Variants in OLFM3 observed in about 807,000 individuals in gnomAD.
The protein encoded by OLFM3 is noelin-3.
In OLFM3, 20 loss-of-function variants were observed where a neutral mutation model predicts 48.6. The observed-to-expected ratio is 0.41, with a 90% CI of 0.29 to 0.60. The LOEUF is 0.60. Ranked by LOEUF, OLFM3 falls within the 20% of genes least tolerant of loss-of-function variation. The pLI, the probability that OLFM3 is intolerant of heterozygous loss-of-function variation, is 0.28. For missense variants in OLFM3, 437 were observed against 544.3 expected (o/e 0.80, Z 1.96); for synonymous variants, 222 against 198.1 (o/e 1.12, Z -1.01).
chr1:101,952,335 T>C (rs946504208), intron 1 of OLFM3, among the ~76,000 whole-genome samples: 1 of 152,184 alleles, frequency 6.6e-6, no homozygotes, highest in Non-Finnish European at 1.5e-5. Context: ...TACAATTATA[T>C]TTTAAAGCTC....
At chr1:101,930,047 T>C (rs1035579089) in intron 1 of OLFM3, among the ~76,000 whole-genome samples, 4 of 152,142 alleles carry the variant, frequency 2.6e-5, no homozygotes, top group African/African-American at 9.6e-5. Context: ...GACCTTGAAT[T>C]TGCTTTAGAA....
chr1:101,861,140 C>A (rs577814492), intron 1 of OLFM3, among the ~76,000 whole-genome samples: 45 of 152,126 alleles, frequency 3.0e-4, no homozygotes, highest in Non-Finnish European at 5.6e-4. Context: ...CGGCTCACTG[C>A]AACCTCTGCT....
intron 1 of OLFM3, among the ~76,000 whole-genome samples, chr1:101,904,759 T>C (rs1200417699): frequency 6.6e-6 from 1 of 152,082 alleles, no homozygotes; most frequent in Non-Finnish European, 1.5e-5. Flanking sequence ...TCCCTATCAC[T>C]GAGAATAACT....
chr1:101,881,314 G>C (rs1486293020), intron 1 of OLFM3, among the ~76,000 whole-genome samples: 5 of 151,830 alleles, frequency 3.3e-5, no homozygotes, highest in Admixed American at 6.6e-5. Context: ...AAATGGCTTT[G>C]GTTTGGCTTA....
At chr1:101,845,456 GAA>G (rs1655948936) in intron 1 of OLFM3, among the ~76,000 whole-genome samples, 1 of 151,936 alleles carries the variant, frequency 6.6e-6, no homozygotes, top group African/African-American at 2.4e-5. Context: ...TGCAAAGTTT[GAA>G]ATATAACTCA....
At chr1:101,939,887 T>C (rs1363173963) in intron 1 of OLFM3, among the ~76,000 whole-genome samples, 1 of 152,212 alleles carries the variant, frequency 6.6e-6, no homozygotes, top group Non-Finnish European at 1.5e-5. Flanking sequence ...GATATTATCA[T>C]AGCCTCTACC....
At chr1:101,928,606 C>T (rs1659349844) in intron 1 of OLFM3, among the ~76,000 whole-genome samples, 1 of 152,056 alleles carries the variant, frequency 6.6e-6, no homozygotes, top group South Asian at 2.1e-4. Flanking sequence ...TCCTGGTGAA[C>T]AAAATAAAGT....
chr1:101,872,747 A>G (rs1657131744), intron 1 of OLFM3, among the ~76,000 whole-genome samples: 1 of 151,932 alleles, frequency 6.6e-6, no homozygotes, highest in Admixed American at 6.6e-5. Flanking sequence ...TTTGCATCTA[A>G]TTACTATATT....
intron 1 of OLFM3, among the ~76,000 whole-genome samples, chr1:101,957,440 G>A (rs1660331871): frequency 6.6e-6 from 1 of 151,958 alleles, no homozygotes; most frequent in South Asian, 2.1e-4. Context: ...TGGCAAAAAT[G>A]GGAAAAAGCT....
chr1:101,856,408 T>A (rs1034260316), intron 1 of OLFM3, among the ~76,000 whole-genome samples: 13 of 151,980 alleles, frequency 8.6e-5, no homozygotes, highest in Non-Finnish European at 2.9e-5. Context: ...ATTAAACACT[T>A]TTAACCTTAT....
Position 101,850,577 on chromosome 1 carries a change from G to A in OLFM3, c.70-13552C>T, listed in dbSNP as rs1656185478. ...TATATTTCCTAGTTTGGGACTGTAT[G>A]TATGGTAGATGTGGGAAGGTTTCTA... On this transcript the variant is annotated intron_variant, in intron 1 of 5. Coordinates refer to ENST00000370103, the MANE Select transcript of OLFM3 (RefSeq NM_058170.4). 2.0e-5 allele frequency among the ~76,000 whole-genome samples: 3 copies of A among 151,998 alleles called. No individual in the cohort carries two copies. The South Asian group carries it at 6.2e-4, about 31-fold the overall frequency.
intron 1 of OLFM3, among the ~76,000 whole-genome samples, chr1:101,865,636 C>G (rs1022748770): frequency 2.0e-5 from 3 of 152,158 alleles, no homozygotes; most frequent in Non-Finnish European, 4.4e-5. Context: ...ATAACCACTT[C>G]CTACTCTACA....
At chr1:101,819,213 G>T (rs1048648196) in intron 4 of OLFM3, among the ~76,000 whole-genome samples, 2 of 152,008 alleles carry the variant, frequency 1.3e-5, no homozygotes, top group African/African-American at 2.4e-5. Flanking sequence ...AGAAGGTAAA[G>T]AAAGCATGCG....
chr1:101,933,987 A>AC (rs1659535259), intron 1 of OLFM3, among the ~76,000 whole-genome samples: 1 of 151,852 alleles, frequency 6.6e-6, no homozygotes, highest in African/African-American at 2.4e-5. Context: ...GAAAGGAAAG[A>AC]CCATTACTGA....
chr1:101,810,748 A>C (rs1349021905), intron 4 of OLFM3, among the ~76,000 whole-genome samples: 1 of 151,922 alleles, frequency 6.6e-6, no homozygotes, highest in Non-Finnish European at 1.5e-5. Flanking sequence ...TTAAACTTTT[A>C]ACTCTTACTA....
chr1:101,979,392 A>G (rs568657991), intron 1 of OLFM3, among the ~76,000 whole-genome samples: 1 of 152,254 alleles, frequency 6.6e-6, no homozygotes, highest in South Asian at 2.1e-4. Context: ...AGGGTGGGAC[A>G]AGGTGGAGGT....
chr1:101,853,773 T>C (rs999559785), intron 1 of OLFM3, among the ~76,000 whole-genome samples: 1 of 152,112 alleles, frequency 6.6e-6, no homozygotes, highest in African/African-American at 2.4e-5. Context: ...TATGTTTTTA[T>C]GTGTGCATGA....
intron 1 of OLFM3, among the ~76,000 whole-genome samples, chr1:101,953,952 G>A (rs1238494225): frequency 1.3e-5 from 2 of 151,762 alleles, no homozygotes; most frequent in South Asian, 2.1e-4. Flanking sequence ...TGAGGGGAAA[G>A]GAAGCATTGG....
chr1:101,996,216 A>C (rs1459754871), intron 1 of OLFM3, among the ~76,000 whole-genome samples: 1 of 152,166 alleles, frequency 6.6e-6, no homozygotes, highest in African/African-American at 2.4e-5. Context: ...CCTCTCAGCC[A>C]TGGCAGAGAG....
Sources: gnomAD v4.1 joint callset for allele counts (sites outside exome capture counted in the v4.1 genomes callset) on GRCh38, gnomAD v4.1.1 for gene constraint, MANE v1.5 for transcripts, NCBI Gene and HGNC (gene_info 2026-07-23, HGNC 2026-07-21) for gene names.